Variants in ASAH1 observed in about 807,000 individuals in gnomAD.
ASAH1 encodes the protein acid ceramidase.
ASAH1 carries 70 observed loss-of-function variants against 59.5 expected under a neutral mutation model. The observed-to-expected ratio is 1.18, with a 90% CI of 0.97 to 1.43. The LOEUF is 1.43. Among genes scored for constraint, ASAH1 ranks in the 40% most tolerant of loss-of-function variants. ASAH1 has a pLI of 0.00. For missense variants in ASAH1, 660 were observed against 482.5 expected (o/e 1.37, Z -3.45); for synonymous variants, 213 against 166.5 (o/e 1.28, Z -2.15).
rs752457938 is a variant in ASAH1 at position 18,084,045 on chromosome 8, C to T, written c.14G>A (p.Ser5Asn). The change falls in exon 1 of 14, where the codon AGT becomes AAT. Residue 5 changes from serine (S) to asparagine (N), a missense_variant. By Grantham distance (46) the Ser-to-Asn change is conservative. Transcript: ENST00000637790. MPGR[S>N]CVALVLLAAA... is the part of the protein sequence containing the mutation. ...AGCCAGGAGGACTAAGGCGACGCAACTCCGGCCCGGCATCGCTCTAGCAGC... is the reference window on the plus strand; with the variant it reads ...AGCCAGGAGGACTAAGGCGACGCAATTCCGGCCCGGCATCGCTCTAGCAGC... The T allele has an allele frequency of 6.3e-7, 1 of 1,598,776 alleles. No individual in the cohort carries two copies. Among genetic ancestry groups the T allele is most frequent in the South Asian group, 1.1e-5 (1 of 91,076 alleles).
At chr8:18,080,309 C>G (rs35198466) in intron 1 of ASAH1, among the ~76,000 whole-genome samples, 9,077 of 152,252 alleles carry the variant, frequency 0.06, 313 homozygotes, top group Admixed American at 0.096. Context: ...TACGTTTCAT[C>G]TTCGCACATC....
intron 12 of ASAH1, 131 bp from the exon 13 acceptor site, chr8:18,059,022 C>A: frequency 1.2e-6 from 1 of 827,070 alleles, no homozygotes. Flanking sequence ...AGTGGAGTTT[C>A]TGTGGGAGTC....
At chr8:18,059,943 C>A (rs1041937693) in intron 10 of ASAH1, 3 of 409,068 alleles carry the variant, frequency 7.3e-6, no homozygotes, top group Middle Eastern at 7.6e-4. Context: ...ACCCCACCCC[C>A]TGACAGGCCC....
At chr8:18,074,347 C>G (rs1484169017) in intron 2 of ASAH1, among the ~76,000 whole-genome samples, 2 of 152,150 alleles carry the variant, frequency 1.3e-5, no homozygotes, top group Non-Finnish European at 2.9e-5. Context: ...TTGCTTCCTG[C>G]CAAATACTGG....
intron 1 of ASAH1, 94 bp from the exon 2 acceptor site, chr8:18,075,681 C>G (rs1488859629): frequency 1.7e-6 from 2 of 1,145,668 alleles, no homozygotes; most frequent in Non-Finnish European, 2.6e-6. Flanking sequence ...AAGACAACAT[C>G]AAGTCTGATA....
intron 2 of ASAH1, among the ~76,000 whole-genome samples, chr8:18,071,797 G>C (rs531846523): frequency 7.9e-5 from 12 of 152,184 alleles, no homozygotes; most frequent in Non-Finnish European, 1.6e-4. Flanking sequence ...CTCTCAGAGA[G>C]TGTAACACTA....
At chr8:18,070,751 C>T (rs912476449) in intron 3 of ASAH1, among the ~76,000 whole-genome samples, 3 of 152,180 alleles carry the variant, frequency 2.0e-5, no homozygotes, top group African/African-American at 7.2e-5. Flanking sequence ...TCTGCTGTCA[C>T]TTAACGTATA....
At chr8:18,075,940 C>T (rs1428605832) in intron 1 of ASAH1, 5 of 354,664 alleles carry the variant, frequency 1.4e-5, no homozygotes, top group African/African-American at 4.3e-5. Context: ...GATGTATTAT[C>T]TGCACTTACC....
At chr8:18,059,048 G>T in intron 12 of ASAH1, 157 bp from the exon 13 acceptor site, 1 of 712,672 alleles carries the variant, frequency 1.4e-6, no homozygotes, top group Non-Finnish European at 2.3e-6. Flanking sequence ...TAGAAACACA[G>T]GTAACAGTTT....
chr8:18,080,521 C>A (rs1800608520), intron 1 of ASAH1, among the ~76,000 whole-genome samples: 1 of 152,124 alleles, frequency 6.6e-6, no homozygotes, highest in South Asian at 2.1e-4. Flanking sequence ...CTGTCCCAGT[C>A]TCTTCCCTGA....
At chr8:18,080,660 C>T (rs1402837790) in intron 1 of ASAH1, among the ~76,000 whole-genome samples, 2 of 152,176 alleles carry the variant, frequency 1.3e-5, no homozygotes, top group African/African-American at 2.4e-5. Context: ...CAGGTTCAAG[C>T]AATTCTCCCG....
In ASAH1 at chr8:18,059,616, A is replaced by G; in HGVS notation, c.873T>C (p.Gly291=). ...FILGGNQSGE[G]CVITRDRKES... ...CCTTTCTGTCTCGTGTAATCACACA[A>G]CCTTCCCCAGACTGGTTGCCTCCCA... The change falls in exon 11 of 14, where the codon GGT becomes GGC. Residue 291 remains glycine, a synonymous_variant. Transcript: ENST00000637790. 6.2e-7 allele frequency: 1 copy of G among 1,614,188 alleles called. No individual in the cohort carries two copies. The highest frequency in any genetic ancestry group is 8.5e-7 in the Non-Finnish European group (1 of 1,180,040).
intron 2 of ASAH1, chr8:18,073,376 A>G: frequency 8.8e-7 from 1 of 1,141,466 alleles, no homozygotes; most frequent in Non-Finnish European, 1.3e-6. Flanking sequence ...TGCAAACAAG[A>G]AATATCATTT....
chr8:18,067,100 TGCACCTGTGCTGTATATCTAAGACATACA>T, intron 5 of ASAH1, 91 bp downstream of exon 5: 13 of 549,798 alleles, frequency 2.4e-5, no homozygotes, highest in Non-Finnish European at 3.3e-5. Flanking sequence ...CTAAGACCTG[TGCACCTGTGCTGTATATCTAAGACATACA>T]GCACCTGTGC....
upstream of ASAH1, chr8:18,084,643 C>G (rs768168958): frequency 2.5e-6 from 4 of 1,612,214 alleles, no homozygotes; most frequent in South Asian, 4.4e-5. Flanking sequence ...AGAATCGAAT[C>G]CACTCGGGTC....
chr8:18,063,133 G>A (rs1312434240), intron 7 of ASAH1, 52 bp downstream of exon 7: 2 of 1,569,078 alleles, frequency 1.3e-6, no homozygotes, highest in Non-Finnish European at 1.8e-6. Context: ...CTCCCAAAAA[G>A]CTGGGATTAC....
chr8:18,070,155 AT>A (rs34633455), intron 3 of ASAH1, among the ~76,000 whole-genome samples: 24 of 147,408 alleles, frequency 1.6e-4, no homozygotes, highest in Admixed American at 3.4e-4. Flanking sequence ...TAATTTTTGT[AT>A]TTTTTTTTTT....
chr8:18,061,467 G>C lies in ASAH1; in HGVS notation c.704-9C>G. The C allele has an allele frequency of 1.2e-6, 2 of 1,606,152 alleles. No homozygotes were observed. The highest frequency in any genetic ancestry group is 1.7e-5 in the Admixed American group (1 of 60,012). ...AATCCATTCTAGAATACCTGGAAGA[G>C]ATGAACACAATGTCAGGAACCGGAA... On this transcript the variant is annotated splice_polypyrimidine_tract_variant and intron_variant, in intron 9 of 13. Transcript: ENST00000637790.
In ASAH1 at chr8:18,075,706, G is replaced by A. The variant is rs542901170; in HGVS notation, c.79-119C>T. On this transcript the variant is annotated intron_variant, in intron 1 of 13. Transcript: ENST00000637790. Reference sequence around the variant, plus strand: ...CAAGTCTGATATTGCTCTTTTATACGTTTCAATGCCTCTTAAAATAAGTCT... The same window carrying A: ...CAAGTCTGATATTGCTCTTTTATACATTTCAATGCCTCTTAAAATAAGTCT... 3.0e-5 allele frequency: 25 copies of A among 844,172 alleles called. 1 individual carries two copies. In the Middle Eastern group the frequency reaches 8.7e-4, roughly 29 times the overall value. 52.3% of individuals were successfully genotyped at this position (844,172 alleles called of 1,614,324 possible).
Sources: allele counts gnomAD v4.1 joint callset (sites outside exome capture counted in the v4.1 genomes callset), GRCh38; gene constraint gnomAD v4.1.1; transcripts MANE v1.5; gene names NCBI Gene and HGNC (gene_info 2026-07-23, HGNC 2026-07-21).